Variants in ETFB observed in about 807,000 individuals in gnomAD.
The protein encoded by ETFB is beta-ETF.
In ETFB, 20 loss-of-function variants were observed where a neutral mutation model predicts 25.6. The ratio of observed to expected loss-of-function variants is 0.78; its 90% CI spans 0.55 to 1.14. The LOEUF (loss-of-function observed/expected upper bound fraction) is 1.14. Among genes scored for constraint, ETFB ranks in the 50% most tolerant of loss-of-function variants. ETFB has a pLI of 0.00. For missense variants in ETFB, 286 were observed against 342.6 expected (o/e 0.83, Z 1.30); for synonymous variants, 142 against 146.7 (o/e 0.97, Z 0.23).
Position 51,366,253 on chromosome 19 carries a change from GA to G in ETFB, c.57+16del, listed in dbSNP as rs529887209. 8.3e-5 allele frequency: 134 copies of G among 1,613,378 alleles called. No homozygotes were observed. The South Asian group carries it at 1.3e-3, about 16-fold the overall frequency. On this transcript the variant is annotated intron_variant, in intron 1 of 5. Coordinates refer to ENST00000309244, the MANE Select transcript of ETFB (RefSeq NM_001985.3). ...GGCTGCGGGACTCAGGGATGTGGGAGAGGGGGGCCCGATCACCTTCACGGCG... is the reference window on the plus strand; with the variant it reads ...GGCTGCGGGACTCAGGGATGTGGGAGGGGGGGCCCGATCACCTTCACGGCG...
intron 1 of ETFB, chr19:51,356,063 G>A (rs1310264247): frequency 6.6e-6 from 1 of 151,360 alleles, no homozygotes; most frequent in African/African-American, 2.4e-5. Flanking sequence ...TGTACGTTGT[G>A]CACATGTATC....
intron 1 of ETFB, among the ~76,000 whole-genome samples, chr19:51,360,919 G>A (rs941488260): frequency 5.3e-5 from 8 of 152,084 alleles, no homozygotes; most frequent in Admixed American, 5.2e-4. Context: ...CCCAGTAGCT[G>A]GGACTACAGG....
intron 1 of ETFB, among the ~76,000 whole-genome samples, chr19:51,363,376 T>C (rs1438502394): frequency 1.3e-5 from 2 of 152,054 alleles, no homozygotes; most frequent in Non-Finnish European, 2.9e-5. Flanking sequence ...CCCCCAGGGA[T>C]ATACCAAGGC....
intron 4 of ETFB, chr19:51,347,389 T>C: frequency 3.8e-6 from 1 of 265,050 alleles, no homozygotes; most frequent in South Asian, 5.6e-5. Flanking sequence ...GCAGGAACTT[T>C]ATGAGGTAAA....
intron 5 of ETFB, chr19:51,345,819 C>G (rs1985762447): frequency 1.4e-5 from 4 of 279,738 alleles, no homozygotes; most frequent in Non-Finnish European, 2.8e-5. Context: ...TCCCTATAGG[C>G]TGAGATGATG....
chr19:51,357,019 G>A (rs1190978046), intron 1 of ETFB: 1 of 151,532 alleles, frequency 6.6e-6, no homozygotes, highest in Non-Finnish European at 1.5e-5. Context: ...CCAGGATAAT[G>A]CCCCCATCTC....
chr19:51,363,541 C>T (rs559864587), intron 1 of ETFB, among the ~76,000 whole-genome samples: 23 of 152,176 alleles, frequency 1.5e-4, no homozygotes. Flanking sequence ...CTCTGCCTCC[C>T]AGGTTCAAGC....
intron 1 of ETFB, among the ~76,000 whole-genome samples, chr19:51,362,162 TACACACACACACAC>T (rs59581815): frequency 4.6e-4 from 67 of 144,646 alleles, no homozygotes; most frequent in Admixed American, 2.8e-3. Flanking sequence ...CGGACACACA[TACACACACACACAC>T]ACACACACAC....
intron 1 of ETFB, among the ~76,000 whole-genome samples, chr19:51,360,623 G>A (rs764523168): frequency 6.6e-6 from 1 of 152,260 alleles, no homozygotes; most frequent in African/African-American, 2.4e-5. Flanking sequence ...GCAGGACCAC[G>A]GGTCTAACCC....
At chr19:51,350,128 C>T (rs892680865) in intron 4 of ETFB, 2 of 575,226 alleles carry the variant, frequency 3.5e-6, no homozygotes, top group African/African-American at 1.9e-5. Flanking sequence ...GAGTATTTCA[C>T]GTAGGATGGC....
intron 1 of ETFB, among the ~76,000 whole-genome samples, chr19:51,362,058 A>G (rs562110442): frequency 6.6e-6 from 1 of 152,012 alleles, no homozygotes; most frequent in African/African-American, 2.4e-5. Context: ...GCTTCCTGTA[A>G]AATGTGCCCC....
chr19:51,362,204 C>CACACACACACACACAT (rs60638050), intron 1 of ETFB, among the ~76,000 whole-genome samples: 17 of 146,270 alleles, frequency 1.2e-4, no homozygotes, highest in Non-Finnish European at 1.5e-5. Context: ...CACACACACA[C>CACACACACACACACAT]GAATACACTC....
chr19:51,358,831 C>CAAAA (rs112821668), intron 1 of ETFB, among the ~76,000 whole-genome samples: 1 of 134,134 alleles, frequency 7.5e-6, no homozygotes. Flanking sequence ...CAAACAACAA[C>CAAAA]AAAAAAAAAA....
At chr19:51,356,444 T>G (rs919640077) in intron 1 of ETFB, 1 of 152,202 alleles carries the variant, frequency 6.6e-6, no homozygotes, top group African/African-American at 2.4e-5. Flanking sequence ...CTGGATGTCA[T>G]GATCACACAT....
chr19:51,357,703 C>T (rs1986118236), intron 1 of ETFB, among the ~76,000 whole-genome samples: 1 of 152,030 alleles, frequency 6.6e-6, no homozygotes, highest in Admixed American at 6.6e-5. Context: ...GTTGGCCAGG[C>T]TGGTCTCGAA....
chr19:51,351,260 C>T (rs886820662), intron 3 of ETFB, among the ~76,000 whole-genome samples: 3 of 152,218 alleles, frequency 2.0e-5, no homozygotes, highest in Non-Finnish European at 4.4e-5. Flanking sequence ...GGGAAAGATG[C>T]TCCTTTCTTT....
chr19:51,361,952 C>T (rs1183320537), intron 1 of ETFB, among the ~76,000 whole-genome samples: 1 of 151,978 alleles, frequency 6.6e-6, no homozygotes. Flanking sequence ...ATCCACCCAC[C>T]TCAGCCTCCC....
chr19:51,349,447 C>CTTTTTTT (rs11428639), intron 4 of ETFB, among the ~76,000 whole-genome samples: 4 of 134,188 alleles, frequency 3.0e-5, no homozygotes, highest in Non-Finnish European at 4.6e-5. Flanking sequence ...TGCCTTGCTT[C>CTTTTTTT]TTTTTTTTTT....
chr19:51,363,426 G>A (rs1272722024), intron 1 of ETFB, among the ~76,000 whole-genome samples: 1 of 151,980 alleles, frequency 6.6e-6, no homozygotes, highest in Non-Finnish European at 1.5e-5. Flanking sequence ...TGGAGGAGGC[G>A]ATGCCAGGGA....
Sources: gnomAD v4.1 joint callset for allele counts (sites outside exome capture counted in the v4.1 genomes callset) on GRCh38, gnomAD v4.1.1 for gene constraint, MANE v1.5 for transcripts, NCBI Gene and HGNC (gene_info 2026-07-23, HGNC 2026-07-21) for gene names.